The following FMO1 variants were observed in gnomAD, a reference collection of about 807,000 sequenced individuals.
The protein encoded by FMO1 is flavin-containing monooxygenase 1.
In FMO1, 36 loss-of-function variants were observed where a neutral mutation model predicts 45.4. That is an observed-to-expected ratio of 0.79 (90% CI 0.61 to 1.05). The LOEUF (loss-of-function observed/expected upper bound fraction) is 1.05. Ranked by LOEUF, FMO1 falls within the 50% of genes least tolerant of loss-of-function variation. The probability of loss-of-function intolerance (pLI) is 0.00; values close to 1 mark genes in which losing one functional copy is unlikely to be tolerated. For synonymous variants in FMO1, 228 were observed against 227.2 expected (o/e 1.00, Z -0.03); for missense variants, 615 against 640.3 (o/e 0.96, Z 0.43).
chr1:171,278,765 G>T lies in FMO1; in HGVS notation c.521G>T (p.Arg174Leu), dbSNP rs377169079. 46 of 1,609,332 alleles carry T rather than the reference G, an allele frequency of 2.9e-5. No individual in the cohort carries two copies. Among genetic ancestry groups the T allele is most frequent in the Middle Eastern group, 1.6e-4 (1 of 6,070 alleles). The stretch of plus-strand genomic sequence containing the variant: ...TTTAAAGGCCAGTACTTTCATAGCC[G>T]GCAATATAAGCATCCAGATATATTT... ...NAFKGQYFHS[R>L]QYKHPDIFKD... The change falls in exon 5 of 9, where the codon CGG becomes CTG. Residue 174 changes from arginine to leucine, a missense_variant. Transcript: ENST00000617670.
In FMO1 at chr1:171,285,594, C is replaced by A; in HGVS notation, c.*50C>A. The A allele has an allele frequency of 9.1e-7, 1 of 1,104,264 alleles. No individual in the cohort carries two copies. Among genetic ancestry groups the A allele is most frequent in the Non-Finnish European group, 1.3e-6 (1 of 773,354 alleles). The allele number at this position is 1,104,264 out of a possible 1,614,324, so 68.4% of individuals were successfully genotyped here. A position where few individuals can be genotyped will look rare whatever the true frequency, so the allele number is the denominator to read the frequency against. On this transcript the variant is annotated 3_prime_UTR_variant, in exon 9 of 9. Coordinates refer to ENST00000617670, the MANE Select transcript of FMO1 (RefSeq NM_001282693.2). ...TGCACAGAGTAGATTTACAATGCTC[C>A]AATTCCTCTCTTACAGCAATATTGC...
At chr1:171,256,415 C>T (rs1471721473) in intron 1 of FMO1, among the ~76,000 whole-genome samples, 1 of 152,026 alleles carries the variant, frequency 6.6e-6, no homozygotes, top group Admixed American at 6.6e-5. Context: ...TGTGTCTACC[C>T]CCAATACCCA....
chr1:171,280,759 T>C, intron 5 of FMO1, 27 bp from the exon 6 acceptor site: 3 of 1,598,692 alleles, frequency 1.9e-6, no homozygotes, highest in Non-Finnish European at 2.6e-6. Context: ...CAGTGTCAAA[T>C]GAAGGGATGT....
At chr1:171,272,188 C>A (rs1660899999) in intron 3 of FMO1, among the ~76,000 whole-genome samples, 2 of 152,144 alleles carry the variant, frequency 1.3e-5, no homozygotes, top group South Asian at 4.1e-4. Flanking sequence ...AGGGTGCAAA[C>A]CCCAAGACCT....
In FMO1 at chr1:171,285,331, C is replaced by T. The variant is rs763701373; in HGVS notation, c.1386C>T (p.Thr462=). Residue 462 remains threonine, a synonymous_variant, in exon 9 of 9, where the codon ACC becomes ACT. Transcript: ENST00000617670. ...MLLTDPHLAL[T]VFFGPCSPYQ... ...TAACGGATCCACATCTGGCTCTGAC[C>T]GTCTTCTTTGGCCCATGCTCACCAT... The T allele has an allele frequency of 1.8e-5, 29 of 1,613,888 alleles. No individual in the cohort carries two copies. The highest frequency in any genetic ancestry group is 2.2e-5 in the Non-Finnish European group (26 of 1,179,954).
intron 1 of FMO1, among the ~76,000 whole-genome samples, chr1:171,256,859 T>C (rs984417144): frequency 1.2e-4 from 19 of 152,158 alleles, no homozygotes; most frequent in African/African-American, 4.6e-4. Context: ...GCACTGCACT[T>C]AACAAACTTA....
intron 8 of FMO1, among the ~76,000 whole-genome samples, chr1:171,284,037 C>A (rs1290622607): frequency 1.3e-5 from 2 of 152,126 alleles, no homozygotes; most frequent in Non-Finnish European, 2.9e-5. Context: ...AGTAAAGAGT[C>A]TTGGCCCTCC....
chr1:171,271,388 T>G, intron 3 of FMO1: 1 of 1,127,216 alleles, frequency 8.9e-7, no homozygotes, highest in Non-Finnish European at 1.4e-6. Flanking sequence ...TAATGGGCCT[T>G]GTCACCTTTG....
intron 4 of FMO1, among the ~76,000 whole-genome samples, chr1:171,277,729 T>A (rs1661167243): frequency 6.6e-6 from 1 of 152,220 alleles, no homozygotes; most frequent in Non-Finnish European, 1.5e-5. Flanking sequence ...GAGTAAATAT[T>A]GGAACTTGGT....
chr1:171,280,100 A>G (rs970885072), intron 5 of FMO1, among the ~76,000 whole-genome samples: 10 of 152,184 alleles, frequency 6.6e-5, no homozygotes, highest in Admixed American at 3.9e-4. Context: ...CTTTTCAACT[A>G]TGCTGTAAAC....
chr1:171,276,499 G>A (rs1359511441), intron 4 of FMO1, among the ~76,000 whole-genome samples: 2 of 152,170 alleles, frequency 1.3e-5, no homozygotes, highest in East Asian at 3.9e-4. Flanking sequence ...ATTCTTGCCT[G>A]CAGAGCAAGG....
intron 1 of FMO1, among the ~76,000 whole-genome samples, chr1:171,254,567 C>T (rs1391652923): frequency 6.6e-6 from 1 of 152,056 alleles, no homozygotes; most frequent in Non-Finnish European, 1.5e-5. Context: ...GAAACATATA[C>T]CTTATATATA....
chr1:171,276,518 A>AG (rs770801076), intron 4 of FMO1, among the ~76,000 whole-genome samples: 2 of 152,220 alleles, frequency 1.3e-5, no homozygotes, highest in Non-Finnish European at 2.9e-5. Context: ...GGCTCTGAGC[A>AG]GCCATCCACT....
intron 7 of FMO1, 183 bp from the exon 8 acceptor site, chr1:171,282,961 G>A: frequency 4.2e-6 from 2 of 476,920 alleles, no homozygotes; most frequent in Non-Finnish European, 7.5e-6. Context: ...CTTTTCAGCT[G>A]ACGGCATTAT....
At chr1:171,250,040 C>T (rs1659814698) in intron 1 of FMO1, among the ~76,000 whole-genome samples, 1 of 152,124 alleles carries the variant, frequency 6.6e-6, no homozygotes, top group African/African-American at 2.4e-5. Flanking sequence ...CATAGTTTCT[C>T]CTATTAAGTA....
intron 6 of FMO1, among the ~76,000 whole-genome samples, chr1:171,281,740 A>G (rs940409458): frequency 2.0e-5 from 3 of 152,222 alleles, no homozygotes; most frequent in Non-Finnish European, 4.4e-5. Context: ...AACAGAAGCT[A>G]GAGAAGGTGC....
In FMO1 at chr1:171,252,977, G is replaced by C. The variant is rs149697485; in HGVS notation, c.-7+4354G>C. 2.2e-3 allele frequency among the ~76,000 whole-genome samples: 342 copies of C among 152,306 alleles called. 2 individuals are homozygous for C. Among genetic ancestry groups the C allele is most frequent in the African/African-American group, 7.9e-3 (330 of 41,576 alleles). On this transcript the variant is annotated intron_variant, in intron 1 of 8. Transcript: ENST00000617670. ...GTTGGAAGCATGAATTTTGATCTGAGAGTGAAGCTGATATTGATATTGTGC... is the reference window on the plus strand; with the variant it reads ...GTTGGAAGCATGAATTTTGATCTGACAGTGAAGCTGATATTGATATTGTGC...
chr1:171,270,939 G>C, intron 3 of FMO1: 1 of 827,474 alleles, frequency 1.2e-6, no homozygotes, highest in South Asian at 1.5e-5. Context: ...AAAAAAAACC[G>C]CTAGAACCAA....
At chr1:171,270,404 T>C (rs186678358) in intron 3 of FMO1, 9 of 178,324 alleles carry the variant, frequency 5.0e-5, no homozygotes, top group Admixed American at 4.6e-4. Flanking sequence ...GGATAAACAC[T>C]GTAATAATTC....
Sources: gnomAD v4.1 joint callset for allele counts (sites outside exome capture counted in the v4.1 genomes callset) on GRCh38, gnomAD v4.1.1 for gene constraint, MANE v1.5 for transcripts, NCBI Gene and HGNC (gene_info 2026-07-23, HGNC 2026-07-21) for gene names.